Variants in MAP3K13 observed in about 807,000 individuals in gnomAD.
MAP3K13 encodes the protein leucine zipper-bearing kinase.
MAP3K13 carries 52 observed loss-of-function variants against 104.0 expected under a neutral mutation model. The ratio of observed to expected loss-of-function variants is 0.50; its 90% CI spans 0.40 to 0.63. MAP3K13 has a LOEUF of 0.63. MAP3K13 is among the 20% of genes least tolerant of loss of function. The pLI, the probability that MAP3K13 is intolerant of heterozygous loss-of-function variation, is 0.00. For missense variants in MAP3K13, 914 were observed against 1,218.5 expected, an observed-to-expected ratio of 0.75 and a Z score of 3.72; for synonymous variants, 394 against 442.2, an observed-to-expected ratio of 0.89 and a Z score of 1.37.
chr3:185,457,565 T>G (rs184059571), intron 7 of MAP3K13, among the ~76,000 whole-genome samples: 3 of 152,314 alleles, frequency 2.0e-5, no homozygotes, highest in African/African-American at 7.2e-5. Context: ...GGCTCTGCCC[T>G]CATGACCTAA....
In MAP3K13 at chr3:185,452,369, A is replaced by C. The variant is rs189584792; in HGVS notation, c.1278+974A>C. Among the ~76,000 whole-genome samples the C allele has an allele frequency of 3.5e-3, 533 of 152,104 alleles. 4 individuals are homozygous for C. The highest frequency in any genetic ancestry group is 0.012 in the African/African-American group (503 of 41,494). The stretch of plus-strand genomic sequence containing the variant: ...CCCCCAAGTACCTAGGACTACAAGC[A>C]TGCACCACCACACCTGGCTAATTTT... On this transcript the variant is annotated intron_variant, in intron 7 of 13. Coordinates refer to ENST00000265026, the MANE Select transcript of MAP3K13 (RefSeq NM_004721.5).
At chr3:185,448,846 G>A (rs535386010) in intron 5 of MAP3K13, among the ~76,000 whole-genome samples, 3 of 152,284 alleles carry the variant, frequency 2.0e-5, no homozygotes, top group African/African-American at 7.2e-5. Context: ...ATGTGTTACA[G>A]CCATCGTATT....
chr3:185,323,578 C>T (rs1158278424), intron 2 of MAP3K13, among the ~76,000 whole-genome samples: 1 of 152,108 alleles, frequency 6.6e-6, no homozygotes. Context: ...GGTGATCTGC[C>T]CGCCTCGGCC....
intron 1 of MAP3K13, among the ~76,000 whole-genome samples, chr3:185,410,123 C>T (rs575107943): frequency 2.7e-4 from 41 of 152,288 alleles, no homozygotes; most frequent in Non-Finnish European, 4.9e-4. Flanking sequence ...AATACTCGCT[C>T]GCCTGCTGCT....
chr3:185,489,094 ACT>A (rs1161563981), downstream of MAP3K13: 13 of 152,170 alleles, frequency 8.5e-5, no homozygotes, highest in Non-Finnish European at 1.5e-4. Context: ...AGTGTACTTC[ACT>A]GTTTTCTAGT....
At chr3:185,453,825 A>ATATATATAT (rs1716039107) in intron 7 of MAP3K13, among the ~76,000 whole-genome samples, 5 of 20,356 alleles carry the variant, frequency 2.5e-4, no homozygotes, top group East Asian at 2.9e-3. Context: ...CATATATATG[A>ATATATATAT]GATATATATA....
chr3:185,323,479 A>G (rs1193097098), intron 2 of MAP3K13, among the ~76,000 whole-genome samples: 1 of 151,896 alleles, frequency 6.6e-6, no homozygotes, highest in Non-Finnish European at 1.5e-5. Context: ...GATTACAGGC[A>G]TGCACCTCCA....
intron 2 of MAP3K13, among the ~76,000 whole-genome samples, chr3:185,341,388 G>A (rs1035886368): frequency 2.6e-5 from 4 of 152,112 alleles, no homozygotes; most frequent in African/African-American, 9.7e-5. Flanking sequence ...GGCAAGGAAC[G>A]GTTTTTTCCC....
At chr3:185,475,803 A>G (rs1404672697) in intron 11 of MAP3K13, among the ~76,000 whole-genome samples, 2 of 152,150 alleles carry the variant, frequency 1.3e-5, no homozygotes, top group African/African-American at 4.8e-5. Context: ...GTGAGCCAAG[A>G]TTGCACCACT....
At chr3:185,456,927 G>A (rs145532629) in intron 7 of MAP3K13, among the ~76,000 whole-genome samples, 1 of 152,194 alleles carries the variant, frequency 6.6e-6, no homozygotes, top group East Asian at 1.9e-4. Context: ...CAATAAAACT[G>A]TACGTAGCAT....
intron 1 of MAP3K13, among the ~76,000 whole-genome samples, chr3:185,377,607 A>G (rs1037218524): frequency 1.3e-5 from 2 of 152,196 alleles, no homozygotes; most frequent in African/African-American, 4.8e-5. Flanking sequence ...GAGTTTTAAG[A>G]GATTTAGAAG....
upstream of MAP3K13, among the ~76,000 whole-genome samples, chr3:185,360,403 A>G (rs1723555224): frequency 6.6e-6 from 1 of 152,190 alleles, no homozygotes; most frequent in Non-Finnish European, 1.5e-5. Context: ...TAGAGTGTAC[A>G]TTTTTCATGC....
chr3:185,455,593 GAGAT>G (rs1716567752), intron 7 of MAP3K13, among the ~76,000 whole-genome samples: 2 of 35,452 alleles, frequency 5.6e-5, no homozygotes, highest in Non-Finnish European at 1.3e-4. Flanking sequence ...TGATATATAT[GAGAT>G]ATATATATCA....
At chr3:185,291,881 G>T in intron 2 of MAP3K13, 1 of 1,115,324 alleles carries the variant, frequency 9.0e-7, no homozygotes, top group African/African-American at 1.8e-5. Context: ...CTTTAGACTA[G>T]AGCCAAGGAG....
In MAP3K13 at chr3:185,437,610, C is replaced by T. The variant is rs1169919474; in HGVS notation, c.639C>T (p.His213=). The change falls in exon 3 of 14, where the codon CAC becomes CAT. Residue 213 remains histidine, a synonymous_variant. Transcript: ENST00000265026. Reference sequence around the variant, plus strand: ...TCAAGCATTTGAGGAAGTTGAAGCACCCTAACATCATCGCATTCAAGTAGG... The same window carrying T: ...TCAAGCATTTGAGGAAGTTGAAGCATCCTAACATCATCGCATTCAAGTAGG... ...TDIKHLRKLK[H]PNIIAFKGVC... 25 of 1,608,646 alleles carry T rather than the reference C, an allele frequency of 1.6e-5. No homozygotes were observed. The highest frequency in any genetic ancestry group is 2.7e-5 in the African/African-American group (2 of 74,172).
rs746343770 is a variant in MAP3K13, at chr3:185,465,844, C to T, written c.1486C>T (p.Arg496Trp). The T allele has an allele frequency of 6.8e-6, 11 of 1,612,948 alleles. No individual in the cohort carries two copies. Among genetic ancestry groups the T allele is most frequent in the South Asian group, 2.2e-5 (2 of 91,044 alleles). ...TGCCATCATGCTGCAGCTAGAAATG[C>T]GGGAGAAGGAGCTCATTAAGTATGT... ...LSAIMLQLEM[R>W]EKELIKREQA... The change falls in exon 9 of 14, where the codon CGG becomes TGG. Residue 496 changes from arginine to tryptophan, a missense_variant. By Grantham distance (101) the Arg-to-Trp change is moderately radical. Around this residue, in one of 3 missense-constraint regions of MAP3K13, gnomAD observed 583 missense variants for 737.4 expected, o/e 0.79. Transcript: ENST00000265026.
intron 2 of MAP3K13, among the ~76,000 whole-genome samples, chr3:185,357,215 C>T (rs1485481752): frequency 9.3e-5 from 14 of 151,212 alleles, no homozygotes; most frequent in Admixed American, 3.3e-4. Flanking sequence ...GAGGCCGAGG[C>T]GGGCGGATCA....
At chr3:185,360,734 CAG>C (rs1723569116), upstream of MAP3K13, among the ~76,000 whole-genome samples, 1 of 151,280 alleles carries the variant, frequency 6.6e-6, no homozygotes, top group Admixed American at 6.6e-5. Flanking sequence ...TGAATTGCTT[CAG>C]AGACTACTCC....
intron 2 of MAP3K13, among the ~76,000 whole-genome samples, chr3:185,345,131 G>A (rs1722869820): frequency 6.6e-6 from 1 of 151,992 alleles, no homozygotes; most frequent in South Asian, 2.1e-4. Context: ...CAAAATGCTG[G>A]GATTATAGGC....
Sources: gnomAD v4.1 joint callset for allele counts (sites outside exome capture counted in the v4.1 genomes callset) on GRCh38, gnomAD v4.1.1 for gene constraint, gnomAD v4.1.1 regional missense constraint, MANE v1.5 for transcripts, NCBI Gene and HGNC (gene_info 2026-07-23, HGNC 2026-07-21) for gene names.